Variants in AK9 observed in about 807,000 individuals in gnomAD.
The protein encoded by AK9 is adenylate kinase 9.
AK9 carries 191 observed loss-of-function variants against 239.6 expected under a neutral mutation model. The observed-to-expected ratio is 0.80, with a 90% CI of 0.71 to 0.90. The LOEUF is 0.90. AK9 is among the 40% of genes least tolerant of loss of function. AK9 has a pLI of 0.00. For missense variants in AK9, 1,995 were observed against 2,214.7 expected, an observed-to-expected ratio of 0.90 and a Z score of 1.99; for synonymous variants, 689 against 721.0, an observed-to-expected ratio of 0.96 and a Z score of 0.71.
chr6:109,540,693 C>T (rs1307510143), intron 27 of AK9, among the ~76,000 whole-genome samples: 2 of 152,170 alleles, frequency 1.3e-5, no homozygotes, highest in South Asian at 2.1e-4. Context: ...CTCTCCGTCG[C>T]TCACACTGGG....
chr6:109,498,040 C>A, intron 36 of AK9, 75 bp from the exon 37 acceptor site: 1 of 1,386,564 alleles, frequency 7.2e-7, no homozygotes, highest in Non-Finnish European at 1.0e-6. Context: ...CACCGAGGCT[C>A]TCCTGCACCC....
At chr6:109,514,948 C>A (rs1338402645) in intron 31 of AK9, among the ~76,000 whole-genome samples, 1 of 152,124 alleles carries the variant, frequency 6.6e-6, no homozygotes, top group African/African-American at 2.4e-5. Context: ...TCTGGTGGGA[C>A]TGGTGTCCTT....
chr6:109,514,094 C>T (rs955026784), intron 32 of AK9, 130 bp downstream of exon 32: 7 of 883,924 alleles, frequency 7.9e-6, no homozygotes, highest in African/African-American at 6.8e-5. Flanking sequence ...TGTCTCCTCA[C>T]TCAGCCACCC....
chr6:109,574,310 G>A (rs531769480), intron 20 of AK9, among the ~76,000 whole-genome samples: 8 of 152,214 alleles, frequency 5.3e-5, no homozygotes, highest in African/African-American at 1.9e-4. Context: ...GGAGGTGGAG[G>A]TTGCAGTGAG....
intron 3 of AK9, 64 bp downstream of exon 3, chr6:109,674,134 C>A (rs769729504): frequency 1.6e-4 from 212 of 1,338,382 alleles, no homozygotes; most frequent in Non-Finnish European, 1.9e-4. Flanking sequence ...GTATAATTAT[C>A]TCCATTTTAT....
chr6:109,526,307 T>G (rs1189257668), intron 29 of AK9, among the ~76,000 whole-genome samples: 1 of 150,986 alleles, frequency 6.6e-6, no homozygotes, highest in African/African-American at 2.4e-5. Context: ...AAAGAAAAAA[T>G]AAAATAAAAA....
chr6:109,601,839 T>TTCTG (rs150037169), intron 17 of AK9, among the ~76,000 whole-genome samples: 1 of 118 alleles, frequency 8.5e-3, no homozygotes, highest in African/African-American at 0.038. Context: ...TGCAATGACC[T>TTCTG]TGTCTCTTTT....
intron 3 of AK9, among the ~76,000 whole-genome samples, chr6:109,672,405 G>A (rs544654161): frequency 1.3e-5 from 2 of 152,244 alleles, no homozygotes; most frequent in East Asian, 1.9e-4. Flanking sequence ...TTGGAGAAGC[G>A]AACATGGTGA....
At chr6:109,664,005 C>T (rs765769567) in intron 5 of AK9, among the ~76,000 whole-genome samples, 1 of 152,194 alleles carries the variant, frequency 6.6e-6, no homozygotes, top group African/African-American at 2.4e-5. Flanking sequence ...GAGAATCCAG[C>T]TTTCTCTTAA....
chr6:109,546,382 T>C (rs1783572141), intron 25 of AK9, among the ~76,000 whole-genome samples: 1 of 152,266 alleles, frequency 6.6e-6, no homozygotes, highest in Non-Finnish European at 1.5e-5. Context: ...AGGCATTTAA[T>C]AAAATAGAGT....
intron 27 of AK9, among the ~76,000 whole-genome samples, chr6:109,540,847 C>G (rs1428757164): frequency 6.6e-6 from 1 of 152,170 alleles, no homozygotes; most frequent in Non-Finnish European, 1.5e-5. Context: ...TACACCCAAC[C>G]TCTCTTCTGA....
rs190064590 is a variant in AK9, at chr6:109,677,316, T to C, written c.-11-1560A>G. ...TAATTTTCTTTCAGACCAACACTAA[T>C]AACAACAAAAACTCATAATTGCACA... is the stretch of plus-strand genomic sequence containing the variant. On this transcript the variant is annotated intron_variant, in intron 1 of 40. Transcript: ENST00000424296. Among the ~76,000 whole-genome samples, 106 of 152,220 alleles carry C rather than the reference T, an allele frequency of 7.0e-4. 1 individual carries two copies. The highest frequency in any genetic ancestry group is 2.5e-3 in the African/African-American group (102 of 41,544).
chr6:109,675,009 T>C (rs1314583449), intron 2 of AK9, among the ~76,000 whole-genome samples: 1 of 152,200 alleles, frequency 6.6e-6, no homozygotes, highest in East Asian at 1.9e-4. Flanking sequence ...CATTTTGGTG[T>C]CTTTCTGATT....
At chr6:109,512,414 C>T (rs1234626975) in intron 32 of AK9, among the ~76,000 whole-genome samples, 1 of 152,174 alleles carries the variant, frequency 6.6e-6, no homozygotes, top group Non-Finnish European at 1.5e-5. Context: ...CATTCCTTCA[C>T]TTTCCTAATA....
chr6:109,548,868 A>G (rs1327998511), intron 25 of AK9, among the ~76,000 whole-genome samples: 3 of 152,212 alleles, frequency 2.0e-5, no homozygotes, highest in African/African-American at 7.2e-5. Context: ...CCTGAAGACA[A>G]AGCACAATCA....
At chr6:109,610,240 A>C in intron 17 of AK9, 125 bp downstream of exon 17, 1 of 1,176,010 alleles carries the variant, frequency 8.5e-7, no homozygotes, top group East Asian at 2.6e-5. Context: ...TACAAAATGT[A>C]CATGAATTTG....
chr6:109,564,391 A>T, intron 22 of AK9, 111 bp from the exon 23 acceptor site: 1 of 751,248 alleles, frequency 1.3e-6, no homozygotes, highest in South Asian at 2.1e-5. Context: ...TTAAAAAAAT[A>T]ATATTCTAAG....
In AK9 at chr6:109,614,309, A is replaced by G; in HGVS notation, c.1496-13T>C. 2 of 1,549,724 alleles carry G rather than the reference A, an allele frequency of 1.3e-6. No homozygotes were observed. The highest frequency in any genetic ancestry group is 1.7e-6 in the Non-Finnish European group (2 of 1,145,232). ...CCTTGAATGTACCCTGCAATGAAAGAATAATATACTTTATCAGCTAATCTA... is the reference window on the plus strand; with the variant it reads ...CCTTGAATGTACCCTGCAATGAAAGGATAATATACTTTATCAGCTAATCTA... On this transcript the variant is annotated splice_polypyrimidine_tract_variant and intron_variant, in intron 14 of 40. Coordinates refer to ENST00000424296, the MANE Select transcript of AK9 (RefSeq NM_001145128.3).
chr6:109,632,254 T>C, intron 12 of AK9: 2 of 985,506 alleles, frequency 2.0e-6, no homozygotes, highest in Non-Finnish European at 2.4e-6. Context: ...TTCTAACACC[T>C]TTCTGTGGCC....
Sources: gnomAD v4.1 joint callset for allele counts (sites outside exome capture counted in the v4.1 genomes callset) on GRCh38, gnomAD v4.1.1 for gene constraint, MANE v1.5 for transcripts, NCBI Gene and HGNC (gene_info 2026-07-23, HGNC 2026-07-21) for gene names.